CTNNA2: variants seen among roughly 807,000 people sequenced by gnomAD.
CTNNA2 encodes catenin alpha 2.
CTNNA2 carries 42 observed loss-of-function variants against 101.0 expected under a neutral mutation model. The ratio of observed to expected loss-of-function variants is 0.42; its 90% CI spans 0.32 to 0.54. The LOEUF is 0.54. Ranked by LOEUF, CTNNA2 falls within the 20% of genes least tolerant of loss-of-function variation. CTNNA2 has a pLI of 0.14. For missense variants in CTNNA2, 871 were observed against 1,223.1 expected, an observed-to-expected ratio of 0.71 and a Z score of 4.29; for synonymous variants, 450 against 456.4, an observed-to-expected ratio of 0.99 and a Z score of 0.18.
intron 2 of CTNNA2, among the ~76,000 whole-genome samples, chr2:79,680,282 A>T (rs961382059): frequency 6.6e-6 from 1 of 151,904 alleles, no homozygotes; most frequent in Admixed American, 6.6e-5. Flanking sequence ...AATTCTTTCA[A>T]ACTGAAAAGG....
chr2:79,885,861 T>C (rs191283570), intron 6 of CTNNA2, among the ~76,000 whole-genome samples: 1 of 152,318 alleles, frequency 6.6e-6, no homozygotes, highest in African/African-American at 2.4e-5. Flanking sequence ...GATTCAGGTA[T>C]TGGCTACTAC....
chr2:79,426,343 T>C (rs1256475823), intron 4 of CTNNA2, among the ~76,000 whole-genome samples: 2 of 152,130 alleles, frequency 1.3e-5, no homozygotes, highest in Non-Finnish European at 2.9e-5. Flanking sequence ...TAAAGGCAGT[T>C]CAAAGAGAGA....
intron 2 of CTNNA2, among the ~76,000 whole-genome samples, chr2:79,708,394 C>T (rs936682543): frequency 1.3e-5 from 2 of 152,008 alleles, no homozygotes; most frequent in African/African-American, 4.8e-5. Flanking sequence ...GTGAGTAGAG[C>T]TTTATTTTTG....
chr2:79,901,392 C>T (rs1288983336), intron 6 of CTNNA2, among the ~76,000 whole-genome samples: 1 of 151,992 alleles, frequency 6.6e-6, no homozygotes, highest in Non-Finnish European at 1.5e-5. Flanking sequence ...TTGCCTTGAA[C>T]TATGAAGGTA....
At chr2:80,244,231 T>G (rs1345550611) in intron 7 of CTNNA2, among the ~76,000 whole-genome samples, 2 of 152,224 alleles carry the variant, frequency 1.3e-5, no homozygotes, top group Non-Finnish European at 2.9e-5. Flanking sequence ...GGAAAGTACA[T>G]ATGCTTTGTC....
intron 7 of CTNNA2, among the ~76,000 whole-genome samples, chr2:79,968,221 A>T (rs1690216434): frequency 6.6e-6 from 1 of 152,194 alleles, no homozygotes; most frequent in Non-Finnish European, 1.5e-5. Flanking sequence ...AATAAAAAAA[A>T]AACAGAGCTC....
intron 7 of CTNNA2, among the ~76,000 whole-genome samples, chr2:79,961,749 G>A (rs1056374659): frequency 6.6e-6 from 1 of 151,790 alleles, no homozygotes; most frequent in South Asian, 2.1e-4. Flanking sequence ...GTGAACCCGG[G>A]GGGCAGAGCC....
At chr2:79,435,690 G>A (rs1352783648) in intron 4 of CTNNA2, among the ~76,000 whole-genome samples, 2 of 152,116 alleles carry the variant, frequency 1.3e-5, no homozygotes, top group African/African-American at 4.8e-5. Flanking sequence ...GGCTTTCATT[G>A]ATGACAACAA....
intron 3 of CTNNA2, among the ~76,000 whole-genome samples, chr2:79,749,951 A>G (rs1028455805): frequency 6.6e-5 from 10 of 152,246 alleles, no homozygotes; most frequent in African/African-American, 2.4e-4. Flanking sequence ...CTTTCCAAGC[A>G]GGATGCTAGA....
intron 9 of CTNNA2, among the ~76,000 whole-genome samples, chr2:80,523,401 G>A (rs894808117): frequency 6.6e-6 from 1 of 152,176 alleles, no homozygotes; most frequent in African/African-American, 2.4e-5. Context: ...ATGAATGACT[G>A]GGGCACTGGA....
At chr2:80,324,758 C>G (rs142814671) in intron 7 of CTNNA2, among the ~76,000 whole-genome samples, 10 of 152,108 alleles carry the variant, frequency 6.6e-5, no homozygotes, top group African/African-American at 2.4e-4. Flanking sequence ...TACTATGTCT[C>G]TTATTGGTTT....
chr2:80,606,982 C>G (rs1698085868), intron 16 of CTNNA2, among the ~76,000 whole-genome samples: 1 of 151,800 alleles, frequency 6.6e-6, no homozygotes, highest in Non-Finnish European at 1.5e-5. Flanking sequence ...TAAAAACAGT[C>G]TCTGTGGAAT....
intron 2 of CTNNA2, among the ~76,000 whole-genome samples, chr2:79,211,670 A>G (rs1266675534): frequency 2.6e-5 from 4 of 152,182 alleles, no homozygotes; most frequent in African/African-American, 9.7e-5. Flanking sequence ...GTGGAATGTC[A>G]TCAGTTAAGG....
chr2:79,709,758 ATGGGGTAGGG>A (rs1558861066), intron 2 of CTNNA2, among the ~76,000 whole-genome samples: 2 of 152,096 alleles, frequency 1.3e-5, no homozygotes, highest in Admixed American at 6.6e-5. Context: ...GAGAAATAGG[ATGGGGTAGGG>A]TGGGGTACAG....
At chr2:79,658,810 A>G (rs11126738) in intron 2 of CTNNA2, among the ~76,000 whole-genome samples, 43,079 of 151,856 alleles carry the variant, frequency 0.28, 6,698 homozygotes, top group East Asian at 0.71. Context: ...TAAGAAGAGG[A>G]GCTCTCTTTA....
chr2:80,355,861 T>C (rs896980454), intron 7 of CTNNA2, among the ~76,000 whole-genome samples: 2 of 152,162 alleles, frequency 1.3e-5, no homozygotes, highest in Non-Finnish European at 2.9e-5. Flanking sequence ...GAGGTTAAAA[T>C]TAATGATACC....
chr2:79,845,432 C>G (rs928823867), intron 3 of CTNNA2, among the ~76,000 whole-genome samples: 2 of 152,110 alleles, frequency 1.3e-5, no homozygotes, highest in Admixed American at 6.6e-5. Context: ...CACAAGCACA[C>G]ATATAGCTAT....
At position 80,295,274 on chromosome 2, in the gene CTNNA2, G is replaced by T. The variant is rs563186887; in HGVS notation, c.1057-97937G>T. 1.5e-4 allele frequency among the ~76,000 whole-genome samples: 23 copies of T among 149,770 alleles called. No homozygotes were observed. In the South Asian group the frequency reaches 3.6e-3, roughly 23 times the overall value. ...GGGCTACCTCACACCACATCCCTGT[G>T]TCTCAGGTCTCATGTGCGGGTGAGT... On this transcript the variant is annotated intron_variant, in intron 7 of 18. Transcript: ENST00000402739.
At chr2:79,350,155 A>G (rs1272394397) in intron 3 of CTNNA2, among the ~76,000 whole-genome samples, 4 of 151,730 alleles carry the variant, frequency 2.6e-5, no homozygotes, top group Admixed American at 2.6e-4. Context: ...TTTCAGATTC[A>G]TAGGGTACAT....
Sources: gnomAD v4.1 joint callset for allele counts (sites outside exome capture counted in the v4.1 genomes callset) on GRCh38, gnomAD v4.1.1 for gene constraint, MANE v1.5 for transcripts, NCBI Gene and HGNC (gene_info 2026-07-23, HGNC 2026-07-21) for gene names.